Variants in ZKSCAN3 observed in about 807,000 individuals in gnomAD.
ZKSCAN3 encodes the protein zinc finger with KRAB and SCAN domains 3, also known as zinc finger protein with KRAB and SCAN domains 3.
Under a neutral mutation model 30.7 loss-of-function variants are expected in ZKSCAN3, and 21 were observed. The ratio of observed to expected loss-of-function variants is 0.68; its 90% CI spans 0.49 to 0.99. The LOEUF is 0.99. Ranked by LOEUF, ZKSCAN3 falls within the 50% of genes least tolerant of loss-of-function variation. ZKSCAN3 has a pLI of 0.00. For synonymous variants in ZKSCAN3, 201 were observed against 246.7 expected (o/e 0.81, Z 1.73); for missense variants, 507 against 647.1 (o/e 0.78, Z 2.35).
chr6:28,354,371 C>A (rs1296922731), intron 1 of ZKSCAN3, among the ~76,000 whole-genome samples: 9 of 152,244 alleles, frequency 5.9e-5, no homozygotes, highest in Non-Finnish European at 1.2e-4. Context: ...CTATTCTTGA[C>A]CAAAGCACAT....
In ZKSCAN3 at chr6:28,359,976, G is replaced by C. The variant is rs1244804692; in HGVS notation, c.390G>C (p.Glu130Asp). ...AGTATTTGGAGAGGCAGCTGGATGA[G>C]CCGGCGCCGCAGGTAGAAAGAACAG... ...LLEYLERQLDEPAPQVSGVDQ... is the reference protein window; with the variant it reads ...LLEYLERQLDDPAPQVSGVDQ... Residue 130 changes from glutamate (E) to aspartate (D), a missense_variant, in exon 2 of 6, where the codon GAG becomes GAC. Coordinates refer to ENST00000252211, the MANE Select transcript of ZKSCAN3 (RefSeq NM_024493.4). The C allele has an allele frequency of 1.2e-6, 2 of 1,614,064 alleles. No individual in the cohort carries two copies. The highest frequency in any genetic ancestry group is 1.7e-6 in the Non-Finnish European group (2 of 1,180,038).
At position 28,366,215 on chromosome 6, in the gene ZKSCAN3, G is replaced by A. The variant is rs764074093; in HGVS notation, c.1547G>A (p.Gly516Asp). ...KPYQCNACGK[G>D]FTRISYLVQH... ...TATCAGTGTAATGCGTGTGGAAAAG[G>A]CTTCACCCGAATTTCATACCTTGTT... The change falls in exon 6 of 6, where the codon GGC becomes GAC. Residue 516 changes from glycine to aspartate, a missense_variant. Gly to Asp is a moderately conservative substitution (Grantham distance 94). Transcript: ENST00000252211. 2 of 1,574,118 alleles carry A rather than the reference G, an allele frequency of 1.3e-6. No individual in the cohort carries two copies. Among genetic ancestry groups the A allele is most frequent in the Non-Finnish European group, 1.7e-6 (2 of 1,165,926 alleles).
In ZKSCAN3 at chr6:28,366,293, C is replaced by A; in HGVS notation, c.*8C>A. 6.7e-7 allele frequency: 1 copy of A among 1,496,386 alleles called. No individual in the cohort carries two copies. Among genetic ancestry groups the A allele is most frequent in the Non-Finnish European group, 8.8e-7 (1 of 1,131,350 alleles). The allele number at this position is 1,496,386 out of a possible 1,614,324, so 92.7% of individuals were successfully genotyped here. On this transcript the variant is annotated 3_prime_UTR_variant, in exon 6 of 6. Coordinates refer to ENST00000252211, the MANE Select transcript of ZKSCAN3 (RefSeq NM_024493.4). The stretch of plus-strand genomic sequence containing the variant: ...AACATCCTATCACAGTGACCCATGC[C>A]ATACATGCCAGAGTTGGTGCTCATT...
At chr6:28,358,848 C>T (rs1004145522) in intron 1 of ZKSCAN3, among the ~76,000 whole-genome samples, 32 of 148,058 alleles carry the variant, frequency 2.2e-4, no homozygotes, top group Non-Finnish European at 4.0e-4. Context: ...CATGCCACTG[C>T]ACTCCAGTCT....
rs1035012527 is a variant in ZKSCAN3, at chr6:28,351,845, T to C, written c.-63+1778T>C. Among the ~76,000 whole-genome samples the C allele has an allele frequency of 6.6e-6, 1 of 152,178 alleles. No homozygotes were observed. Among genetic ancestry groups the C allele is most frequent in the African/African-American group, 2.4e-5 (1 of 41,448 alleles). On this transcript the variant is annotated intron_variant, in intron 1 of 5. Transcript: ENST00000252211. The surrounding 1 kb of genome is among the most constrained non-coding windows in gnomAD (Gnocchi z 4.6). The stretch of plus-strand genomic sequence containing the variant: ...TTAGTTCACTCACAAGTACAAGTAC[T>C]TCAGTGTCAATTTCTTATATACAGG...
At chr6:28,365,217 G>A (rs1251660465) in intron 5 of ZKSCAN3, among the ~76,000 whole-genome samples, 3 of 151,850 alleles carry the variant, frequency 2.0e-5, no homozygotes, top group East Asian at 2.0e-4. Context: ...CACTCCCAGT[G>A]TGTACCTTTC....
intron 3 of ZKSCAN3, among the ~76,000 whole-genome samples, chr6:28,362,996 G>C (rs1392500078): frequency 6.6e-6 from 1 of 152,166 alleles, no homozygotes; most frequent in Non-Finnish European, 1.5e-5. Flanking sequence ...TTGTTTTCGT[G>C]TATCTGCAGA....
chr6:28,360,708 T>G (rs576985402), intron 2 of ZKSCAN3: 1 of 985,450 alleles, frequency 1.0e-6, no homozygotes, highest in East Asian at 1.1e-4. Context: ...GGTTCTTGAC[T>G]TGGGTCTGTT....
At chr6:28,353,532 G>A (rs1271794184) in intron 1 of ZKSCAN3, 2 of 188,244 alleles carry the variant, frequency 1.1e-5, no homozygotes, top group African/African-American at 4.7e-5. Context: ...GACGAAACCT[G>A]ATGGCTGGTG....
intron 1 of ZKSCAN3, among the ~76,000 whole-genome samples, chr6:28,357,171 G>A (rs748526871): frequency 2.0e-5 from 3 of 152,304 alleles, no homozygotes; most frequent in Non-Finnish European, 4.4e-5. Context: ...GTGTGCGTGC[G>A]CTCCAATCCT....
chr6:28,366,461 G>A lies in ZKSCAN3; in HGVS notation c.*176G>A, dbSNP rs1235481684. On this transcript the variant is annotated 3_prime_UTR_variant, in exon 6 of 6. Coordinates refer to ENST00000252211, the MANE Select transcript of ZKSCAN3 (RefSeq NM_024493.4). ...ATCTTCTAAGTTCTAGAAGGGGTTT[G>A]TAATCAAAACATATTTGATAGGAGG... 1.1e-5 allele frequency: 7 copies of A among 656,188 alleles called. No homozygotes were observed. The highest frequency in any genetic ancestry group is 3.0e-4 in the Middle Eastern group (1 of 3,310). The allele number at this position is 656,188 out of a possible 1,614,324, so 40.6% of individuals were successfully genotyped here.
At position 28,366,439 on chromosome 6, in the gene ZKSCAN3, TTC is replaced by T; in HGVS notation, c.*156_*157del. 1.2e-6 allele frequency: 1 copy of T among 812,830 alleles called. No homozygotes were observed. The highest frequency in any genetic ancestry group is 1.8e-6 in the Non-Finnish European group (1 of 564,582). The allele number at this position is 812,830 out of a possible 1,614,324, so 50.4% of individuals were successfully genotyped here. On this transcript the variant is annotated 3_prime_UTR_variant, in exon 6 of 6. Transcript: ENST00000252211. ...TGTAGACTGGGTTAGACAAATTATC[TTC>T]TAAGTTCTAGAAGGGGTTTGTAATC...
At chr6:28,353,583 T>C (rs761952253) in intron 1 of ZKSCAN3, 11 of 271,438 alleles carry the variant, frequency 4.1e-5, no homozygotes, top group Non-Finnish European at 7.4e-5. Context: ...AAGGAGTAGA[T>C]TAGGAAGCAA....
chr6:28,364,958 C>T (rs1417505878), intron 5 of ZKSCAN3, among the ~76,000 whole-genome samples: 1 of 152,162 alleles, frequency 6.6e-6, no homozygotes, highest in Non-Finnish European at 1.5e-5. Flanking sequence ...GAACTCCTGA[C>T]CTCAAGTGAT....
At chr6:28,353,135 A>C (rs1173368786) in intron 1 of ZKSCAN3, among the ~76,000 whole-genome samples, 1 of 151,786 alleles carries the variant, frequency 6.6e-6, no homozygotes, top group Non-Finnish European at 1.5e-5. Flanking sequence ...CGCCCAGCTA[A>C]TTTTTGTATT....
chr6:28,354,209 T>C (rs780573501), intron 1 of ZKSCAN3: 13 of 332,934 alleles, frequency 3.9e-5, no homozygotes, highest in Middle Eastern at 1.1e-3. Flanking sequence ...ACAAGTCCTA[T>C]GTACAGTGTC....
Position 28,359,815 on chromosome 6 carries a change from C to T in ZKSCAN3, c.229C>T (p.Pro77Ser). Reference protein sequence around the residue: ...LRELCRQWLQPEMHSKEQILE... With the variant: ...LRELCRQWLQSEMHSKEQILE... ...AGAGCTCTGCCGACAGTGGCTGCAGCCTGAGATGCACAGCAAGGAGCAGAT... is the reference window on the plus strand; with the variant it reads ...AGAGCTCTGCCGACAGTGGCTGCAGTCTGAGATGCACAGCAAGGAGCAGAT... Residue 77 changes from proline (P) to serine (S), a missense_variant, in exon 2 of 6, where the codon CCT becomes TCT. Transcript: ENST00000252211. The T allele has an allele frequency of 1.2e-6, 2 of 1,614,166 alleles. No homozygotes were observed. Among genetic ancestry groups the T allele is most frequent in the East Asian group, 2.2e-5 (1 of 44,884 alleles).
intron 1 of ZKSCAN3, among the ~76,000 whole-genome samples, chr6:28,358,517 GCAGAACCCA>G (rs142808087): frequency 0.05 from 7,649 of 151,516 alleles, 307 homozygotes; most frequent in Non-Finnish European, 0.087. Context: ...ATCTCTCAAT[GCAGAACCCA>G]CAGATATAGA....
rs1238239266 is a variant in ZKSCAN3, at chr6:28,367,237, A to G, written c.*952A>G. 6.6e-6 allele frequency: 1 copy of G among 151,862 alleles called. No homozygotes were observed. The allele number at this position is 151,862 out of a possible 1,614,324, so 9.4% of individuals were successfully genotyped here. On this transcript the variant is annotated 3_prime_UTR_variant, in exon 6 of 6. Transcript: ENST00000252211. The stretch of plus-strand genomic sequence containing the variant: ...GGCCAAGAATCCATATTTCTTTACC[A>G]GACTAGGAATTCTATTCTAGTGCAA...
Sources: allele counts gnomAD v4.1 joint callset (sites outside exome capture counted in the v4.1 genomes callset), GRCh38; gene constraint gnomAD v4.1.1; non-coding constraint Gnocchi (gnomAD v3.1); transcripts MANE v1.5; gene names NCBI Gene and HGNC (gene_info 2026-07-23, HGNC 2026-07-21).